The following ZKSCAN2 variants were observed in gnomAD, a reference collection of about 807,000 sequenced individuals.
ZKSCAN2 encodes zinc finger with KRAB and SCAN domains 2.
A neutral mutation model predicts 90.5 loss-of-function variants in ZKSCAN2; 38 were observed. The observed-to-expected ratio is 0.42, with a 90% CI of 0.32 to 0.55. The LOEUF is 0.55. Among genes scored for constraint, ZKSCAN2 ranks in the 20% least tolerant of loss-of-function variants. The pLI, the probability that ZKSCAN2 is intolerant of heterozygous loss-of-function variation, is 0.11. For missense variants in ZKSCAN2, 1,167 were observed against 1,202.6 expected (o/e 0.97, Z 0.44); for synonymous variants, 429 against 421.6 (o/e 1.02, Z -0.22).
In ZKSCAN2 at chr16:25,257,603, A is replaced by G. The variant is rs977640012; in HGVS notation, c.-476T>C. ...GGTTCCGGGCTCGGGTCACCGCAGCACGTCCAGGCCGCCGCGGGTGCCGCT... is the reference window on the plus strand; with the variant it reads ...GGTTCCGGGCTCGGGTCACCGCAGCGCGTCCAGGCCGCCGCGGGTGCCGCT... On this transcript the variant is annotated 5_prime_UTR_variant, in exon 1 of 7. Transcript: ENST00000328086. The G allele has an allele frequency of 1.3e-6, 1 of 763,770 alleles. No individual in the cohort carries two copies. Among genetic ancestry groups the G allele is most frequent in the Non-Finnish European group, 1.6e-6 (1 of 627,712 alleles). The allele number at this position is 763,770 out of a possible 1,614,324, so 47.3% of individuals were successfully genotyped here. A position where few individuals can be genotyped will look rare whatever the true frequency, so the allele number is the denominator to read the frequency against.
chr16:25,255,763 A>T (rs1963092265), intron 1 of ZKSCAN2, among the ~76,000 whole-genome samples: 1 of 152,116 alleles, frequency 6.6e-6, no homozygotes, highest in African/African-American at 2.4e-5. Context: ...ATATTTTTTT[A>T]GTAGAGATGG....
intron 4 of ZKSCAN2, among the ~76,000 whole-genome samples, chr16:25,251,479 A>G (rs1963020136): frequency 1.3e-5 from 2 of 152,324 alleles, no homozygotes; most frequent in South Asian, 2.1e-4. Flanking sequence ...GGTTAATAGG[A>G]AAGAGCTGTT....
Position 25,237,257 on chromosome 16 carries a change from G to T in ZKSCAN2, c.*2559C>A. The T allele has an allele frequency of 6.6e-6, 1 of 152,206 alleles. No individual in the cohort carries two copies. Among genetic ancestry groups the T allele is most frequent in the Non-Finnish European group, 1.5e-5 (1 of 68,034 alleles). The allele number at this position is 152,206 out of a possible 1,614,324, so 9.4% of individuals were successfully genotyped here. ...ACCAGGTGAAAACAAATAAAATGCA[G>T]GGAGACAGGTAGTGTTGGTCTAAAA... On this transcript the variant is annotated 3_prime_UTR_variant, in exon 7 of 7. Coordinates refer to ENST00000328086, the MANE Select transcript of ZKSCAN2 (RefSeq NM_001012981.5).
chr16:25,257,065 C>T lies in ZKSCAN2; in HGVS notation c.63G>A (p.Met21Ile), dbSNP rs1293922211. 3 of 1,613,878 alleles carry T rather than the reference C, an allele frequency of 1.9e-6. No individual in the cohort carries two copies. In the African/African-American group the frequency reaches 4.0e-5, roughly 22 times the overall value. The change falls in exon 1 of 7, where the codon ATG (methionine) becomes ATA (isoleucine). Residue 21 changes from methionine (M) to isoleucine (I), a missense_variant. By Grantham distance (10) the Met-to-Ile change is conservative. Coordinates refer to ENST00000328086, the MANE Select transcript of ZKSCAN2 (RefSeq NM_001012981.5). ...APLEVEGCLIMKVEKDPEWAS... is the reference protein window; with the variant it reads ...APLEVEGCLIIKVEKDPEWAS... ...CCCACTCAGGGTCCTTTTCCACCTT[C>T]ATTATTAGGCATCCCTCAACCTCCA...
chr16:25,250,288 G>A lies in ZKSCAN2; in HGVS notation c.805+1621C>T, dbSNP rs373539676. 5.9e-5 allele frequency among the ~76,000 whole-genome samples: 9 copies of A among 152,052 alleles called. 1 individual carries two copies. The highest frequency in any genetic ancestry group is 1.5e-5 in the Non-Finnish European group (1 of 67,984). ...TGCACCACTGCACTCCAGCCTGGGT[G>A]AGAGCAAAACTCTGTCTCAAAAAAA... On this transcript the variant is annotated intron_variant, in intron 4 of 6. Transcript: ENST00000328086.
chr16:25,251,445 A>T (rs1326799761), intron 4 of ZKSCAN2, among the ~76,000 whole-genome samples: 1 of 152,238 alleles, frequency 6.6e-6, no homozygotes, highest in African/African-American at 2.4e-5. Context: ...TAATTAAAAA[A>T]AACTTCTGAA....
At chr16:25,252,632 G>A (rs893554249) in intron 3 of ZKSCAN2, among the ~76,000 whole-genome samples, 3 of 152,050 alleles carry the variant, frequency 2.0e-5, no homozygotes, top group South Asian at 4.2e-4. Flanking sequence ...AGATAATTAC[G>A]GCAGGGCATG....
intron 1 of ZKSCAN2, 129 bp downstream of exon 1, chr16:25,256,598 CCT>C: frequency 2.1e-6 from 2 of 970,266 alleles, no homozygotes; most frequent in Non-Finnish European, 3.0e-6. Context: ...GAAAAGACCC[CCT>C]TATAGGGTCT....
rs1328659416 is a variant in ZKSCAN2 at position 25,236,981 on chromosome 16, T to C, written c.*2835A>G. On this transcript the variant is annotated 3_prime_UTR_variant, in exon 7 of 7. Coordinates refer to ENST00000328086, the MANE Select transcript of ZKSCAN2 (RefSeq NM_001012981.5). ...GTGGGCTGTAAGTTTTGTTGAACTT[T>C]CCAGCAGCCAGAACAAAGAGAGAAA... is the stretch of plus-strand genomic sequence containing the variant. 2 of 152,598 alleles carry C rather than the reference T, an allele frequency of 1.3e-5. No homozygotes were observed. Among genetic ancestry groups the C allele is most frequent in the Non-Finnish European group, 2.9e-5 (2 of 68,030 alleles). The allele number at this position is 152,598 out of a possible 1,614,324, so 9.5% of individuals were successfully genotyped here.
rs1455448185 is a variant in ZKSCAN2, at chr16:25,250,316, A to G, written c.805+1593T>C. Reference sequence around the variant, plus strand: ...AGCAAAACTCTGTCTCAAAAAAAAAAAGAAGGAAATCCTGCCATTTGTGAC... The same window carrying G: ...AGCAAAACTCTGTCTCAAAAAAAAAGAGAAGGAAATCCTGCCATTTGTGAC... On this transcript the variant is annotated intron_variant, in intron 4 of 6. Transcript: ENST00000328086. 2.6e-5 allele frequency among the ~76,000 whole-genome samples: 4 copies of G among 152,196 alleles called. No individual in the cohort carries two copies. In the East Asian group the frequency reaches 7.7e-4, roughly 29 times the overall value.
chr16:25,249,020 G>T (rs1962979347), intron 4 of ZKSCAN2, among the ~76,000 whole-genome samples: 1 of 152,150 alleles, frequency 6.6e-6, no homozygotes, highest in South Asian at 2.1e-4. Flanking sequence ...GTTAACTAAG[G>T]TAAGCCAGGC....
At chr16:25,248,188 G>C (rs755878153) in intron 4 of ZKSCAN2, among the ~76,000 whole-genome samples, 1 of 150,582 alleles carries the variant, frequency 6.6e-6, no homozygotes, top group Non-Finnish European at 1.5e-5. Flanking sequence ...CACTGGTCTG[G>C]GCAATAATTT....
chr16:25,243,066 TAA>T (rs748827630), intron 6 of ZKSCAN2, among the ~76,000 whole-genome samples: 2 of 152,264 alleles, frequency 1.3e-5, no homozygotes, highest in Admixed American at 6.5e-5. Context: ...AGGACCAGAA[TAA>T]AGTCTTTTAT....
Position 25,247,304 on chromosome 16 carries a change from T to C in ZKSCAN2, c.892A>G (p.Arg298Gly). Residue 298 changes from arginine (R) to glycine (G), a missense_variant, in exon 5 of 7, where the codon AGA becomes GGA. By Grantham distance (125) the Arg-to-Gly change is moderately radical. Coordinates refer to ENST00000328086, the MANE Select transcript of ZKSCAN2 (RefSeq NM_001012981.5). ...ACGTAGTTGCTTCGTAGGATACTTC[T>C]CTTGTTAGAGGAATGCAGACCTAGA... is the stretch of plus-strand genomic sequence containing the variant. Reference protein sequence around the residue: ...WTLGLHSSNKRSILRSNYVKE... With the variant: ...WTLGLHSSNKGSILRSNYVKE... 3.1e-6 allele frequency: 5 copies of C among 1,614,124 alleles called. No individual in the cohort carries two copies. The highest frequency in any genetic ancestry group is 4.2e-6 in the Non-Finnish European group (5 of 1,180,008).
rs755342489 is a variant in ZKSCAN2, at chr16:25,251,948, C to G, written c.766G>C (p.Asp256His). 3 of 1,613,972 alleles carry G rather than the reference C, an allele frequency of 1.9e-6. No homozygotes were observed. The highest frequency in any genetic ancestry group is 2.5e-6 in the Non-Finnish European group (3 of 1,179,968). Residue 256 changes from aspartate (D) to histidine (H), a missense_variant, in exon 4 of 7, where the codon GAT becomes CAT. By Grantham distance (81) the Asp-to-His change is moderately conservative (BLOSUM62 -1). Transcript: ENST00000328086. ...TTCCCAACATTCTCCTTCCTGAAAT[C>G]CCGGTAGAGGTCCCTTTGGGCAGGA... ...QIPAQRDLYR[D>H]FRKENVGNVV...
chr16:25,250,866 C>T (rs1963010714), intron 4 of ZKSCAN2, among the ~76,000 whole-genome samples: 1 of 152,094 alleles, frequency 6.6e-6, no homozygotes, highest in Admixed American at 6.6e-5. Flanking sequence ...AAGCTATTCT[C>T]CTGCCTCAGC....
chr16:25,239,655 T>C lies in ZKSCAN2; in HGVS notation c.*161A>G, dbSNP rs1351982707. ...ACACAGAAGAGGAGGAACAGACTGA[T>C]GAAGTTAGAGGCAGAGGTGAGAACA... On this transcript the variant is annotated 3_prime_UTR_variant, in exon 7 of 7. Coordinates refer to ENST00000328086, the MANE Select transcript of ZKSCAN2 (RefSeq NM_001012981.5). 5 of 603,250 alleles carry C rather than the reference T, an allele frequency of 8.3e-6. No homozygotes were observed. The highest frequency in any genetic ancestry group is 1.4e-5 in the Non-Finnish European group (5 of 352,434). The allele number at this position is 603,250 out of a possible 1,614,324, so 37.4% of individuals were successfully genotyped here.
rs1173928896 is a variant in ZKSCAN2 at position 25,244,097 on chromosome 16, G to A, written c.1669C>T (p.Leu557Phe). 1 of 1,614,144 alleles carries A rather than the reference G, an allele frequency of 6.2e-7. No individual in the cohort carries two copies. Among genetic ancestry groups the A allele is most frequent in the Admixed American group, 1.7e-5 (1 of 60,016 alleles). Residue 557 changes from leucine (L) to phenylalanine (F), a missense_variant, in exon 6 of 7, where the codon CTT becomes TTT. Coordinates refer to ENST00000328086, the MANE Select transcript of ZKSCAN2 (RefSeq NM_001012981.5). ...PEQCRTKFKS[L>F]QKSYRKVKNG... ...TTCACCTTGCGGTAACTCTTCTGAA[G>A]GCTTTTGAACTTGGTTCGGCACTGT...
At chr16:25,241,147 C>A (rs902763204) in intron 6 of ZKSCAN2, among the ~76,000 whole-genome samples, 1 of 152,226 alleles carries the variant, frequency 6.6e-6, no homozygotes, top group Non-Finnish European at 1.5e-5. Context: ...GAACTAAATT[C>A]CTCTACATAT....
Sources: gnomAD v4.1 joint callset for allele counts (sites outside exome capture counted in the v4.1 genomes callset) on GRCh38, gnomAD v4.1.1 for gene constraint, MANE v1.5 for transcripts, NCBI Gene and HGNC (gene_info 2026-07-23, HGNC 2026-07-21) for gene names.